The following RIMBP2 variants were observed in gnomAD, a reference collection of about 807,000 sequenced individuals.
RIMBP2 encodes RIMS-binding protein 2.
Under a neutral mutation model 118.6 loss-of-function variants are expected in RIMBP2, and 48 were observed. The observed-to-expected ratio is 0.40, with a 90% confidence interval of 0.32 to 0.51. The LOEUF (loss-of-function observed/expected upper bound fraction) is 0.51, where lower values mean the gene tolerates loss of function less well. RIMBP2 is among the 20% of genes least tolerant of loss of function. The probability of loss-of-function intolerance (pLI) is 0.41; values close to 1 mark genes in which losing one functional copy is unlikely to be tolerated. For missense variants in RIMBP2, 1,551 were observed against 1,768.3 expected (o/e 0.88, Z 2.20); for synonymous variants, 762 against 742.9 (o/e 1.03, Z -0.42).
At chr12:130,531,657 GT>G (rs1439652036) in intron 2 of RIMBP2, among the ~76,000 whole-genome samples, 1 of 152,214 alleles carries the variant, frequency 6.6e-6, no homozygotes, top group African/African-American at 2.4e-5. Context: ...GGAGGCACAT[GT>G]ACATGTTTCT....
chr12:130,710,087 G>A lies in RIMBP2; in HGVS notation c.-352+6135C>T, dbSNP rs1393951553. ...TGGACACCGAGGGTCTCCAGGAGAG[G>A]GGTTGGCTCTGCAGCCCCTGTGGTC... On this transcript the variant is annotated intron_variant, in intron 1 of 22. Coordinates refer to ENST00000690449, the MANE Select transcript of RIMBP2 (RefSeq NM_001393629.1). The surrounding 1 kb of genome is among the most constrained non-coding windows in gnomAD (Gnocchi z 4.3). Among the ~76,000 whole-genome samples, 4 of 152,134 alleles carry A rather than the reference G, an allele frequency of 2.6e-5. No individual in the cohort carries two copies. Among genetic ancestry groups the A allele is most frequent in the Non-Finnish European group, 4.4e-5 (3 of 68,022 alleles).
At chr12:130,557,005 C>T (rs895067497) in intron 2 of RIMBP2, among the ~76,000 whole-genome samples, 2 of 152,160 alleles carry the variant, frequency 1.3e-5, no homozygotes, top group African/African-American at 4.8e-5. Context: ...AAAGTCCTAA[C>T]CCCCAGTGCC....
intron 2 of RIMBP2, among the ~76,000 whole-genome samples, chr12:130,551,621 T>C (rs781543723): frequency 2.6e-5 from 4 of 152,200 alleles, no homozygotes; most frequent in Non-Finnish European, 4.4e-5. Context: ...GGTGTTGTCA[T>C]GCCTATAATT....
intron 2 of RIMBP2, among the ~76,000 whole-genome samples, chr12:130,566,687 G>C (rs2057244515): frequency 6.6e-6 from 1 of 152,228 alleles, no homozygotes. Flanking sequence ...CAGCTTGACT[G>C]CACATCTCGT....
rs2077346051 is a variant in RIMBP2 at position 130,434,245 on chromosome 12, TAGAC to T, written c.2253+485_2253+488del. ...CATTAGAATATGCACGATCGGAAAT[TAGAC>T]AGAAACCCCAAACTGGCTGAATGTC... On this transcript the variant is annotated intron_variant, in intron 14 of 22. Transcript: ENST00000690449. This position sits in a 1 kb window ranked among gnomAD's most constrained non-coding sequence, Gnocchi z 5.7. Among the ~76,000 whole-genome samples, 1 of 152,182 alleles carries T rather than the reference TAGAC, an allele frequency of 6.6e-6. No individual in the cohort carries two copies. The highest frequency in any genetic ancestry group is 2.4e-5 in the African/African-American group (1 of 41,454).
intron 21 of RIMBP2, among the ~76,000 whole-genome samples, chr12:130,405,378 G>A (rs968708956): frequency 2.6e-5 from 4 of 152,142 alleles, no homozygotes; most frequent in Non-Finnish European, 4.4e-5. Flanking sequence ...GAAACCTACC[G>A]TCCAGGATGT....
chr12:130,638,646 C>A (rs2062461044), intron 1 of RIMBP2, among the ~76,000 whole-genome samples: 1 of 152,230 alleles, frequency 6.6e-6, no homozygotes, highest in Non-Finnish European at 1.5e-5. Context: ...AGGTTTCATC[C>A]TGAAACCTTT....
intron 13 of RIMBP2, among the ~76,000 whole-genome samples, chr12:130,435,733 C>T (rs181132214): frequency 2.0e-5 from 3 of 152,348 alleles, no homozygotes; most frequent in Non-Finnish European, 2.9e-5. Context: ...TGGCCAATGT[C>T]GAACGAATTA....
In RIMBP2 at chr12:130,450,212, A is replaced by G; in HGVS notation, c.569T>C (p.Val190Ala). The G allele has an allele frequency of 6.2e-7, 1 of 1,607,452 alleles. No individual in the cohort carries two copies. The highest frequency in any genetic ancestry group is 1.1e-5 in the South Asian group (1 of 89,778). ...QRYSGKVHLC[V>A]ARYSYNPFDG... ...GGGCCGCACTTACCTATAGCGGGCA[A>G]CACAGAGGTGGACCTTCCCCGAGTA... The change falls in exon 9 of 23, where the codon GTT becomes GCT. Residue 190 changes from valine to alanine, a missense_variant. By Grantham distance (64) the Val-to-Ala change is moderately conservative. This residue lies in a region of RIMBP2 where 239 missense variants were observed against 256.8 expected (regional missense o/e 0.93). Transcript: ENST00000690449. The surrounding 1 kb of genome is among the most constrained non-coding windows in gnomAD (Gnocchi z 4.8).
chr12:130,686,067 C>A, intron 1 of RIMBP2, among the ~76,000 whole-genome samples: 1 of 152,132 alleles, frequency 6.6e-6, no homozygotes, highest in East Asian at 1.9e-4. Flanking sequence ...CACCGCACAC[C>A]GCCCGGCACC....
chr12:130,478,803 G>A, intron 5 of RIMBP2, 109 bp downstream of exon 5: 1 of 710,876 alleles, frequency 1.4e-6, no homozygotes, highest in Non-Finnish European at 2.5e-6. Flanking sequence ...GAGAGAGGGA[G>A]CGGCCTGGGA....
chr12:130,646,049 A>G (rs1248571948), intron 1 of RIMBP2, among the ~76,000 whole-genome samples: 3 of 129,090 alleles, frequency 2.3e-5, no homozygotes, highest in Non-Finnish European at 3.6e-5. Flanking sequence ...TTCCCTCTCC[A>G]CCTCCCTCAC....
chr12:130,489,213 GTCTACT>G (rs1182576394), intron 4 of RIMBP2, among the ~76,000 whole-genome samples: 1 of 152,178 alleles, frequency 6.6e-6, no homozygotes, highest in Non-Finnish European at 1.5e-5. Context: ...ACGGTGGCTT[GTCTACT>G]TTTACAGCCT....
chr12:130,405,571 T>C (rs1273302337), intron 21 of RIMBP2, among the ~76,000 whole-genome samples: 2 of 151,390 alleles, frequency 1.3e-5, no homozygotes, highest in Non-Finnish European at 2.9e-5. Context: ...CCCCACCCCA[T>C]TCCCTCCCTT....
intron 5 of RIMBP2, among the ~76,000 whole-genome samples, chr12:130,473,164 T>C (rs930574296): frequency 6.6e-6 from 1 of 152,250 alleles, no homozygotes; most frequent in Non-Finnish European, 1.5e-5. Context: ...AGTGCATTTT[T>C]GCAGGTGCAA....
rs1471737178 is a variant in RIMBP2 at position 130,452,047 on chromosome 12, T to G, written c.359-707A>C. 3.9e-5 allele frequency among the ~76,000 whole-genome samples: 6 copies of G among 152,272 alleles called. 1 individual carries two copies. In the East Asian group the frequency reaches 1.2e-3, roughly 29 times the overall value. ...TGTCCTGGTTGCCTGGAAGGGAGCA[T>G]TGAGCAACGTGACTAACGCTGGCCT... On this transcript the variant is annotated intron_variant, in intron 7 of 22. Coordinates refer to ENST00000690449, the MANE Select transcript of RIMBP2 (RefSeq NM_001393629.1).
At chr12:130,692,138 G>A (rs1371479868) in intron 1 of RIMBP2, among the ~76,000 whole-genome samples, 1 of 152,212 alleles carries the variant, frequency 6.6e-6, no homozygotes, top group Non-Finnish European at 1.5e-5. Context: ...CACTACACTG[G>A]GAGATGAGAG....
rs369302637 is a variant in RIMBP2, at chr12:130,615,403, C to T, written c.-217+12919G>A. ...TCGGCTCACTGCAACCTCTACCTCC[C>T]GGGTTCAAGCAATTCTCCCATCTCA... is the stretch of plus-strand genomic sequence containing the variant. On this transcript the variant is annotated intron_variant, in intron 2 of 22. Transcript: ENST00000690449. 3.6e-3 allele frequency among the ~76,000 whole-genome samples: 538 copies of T among 151,302 alleles called. 4 individuals carry two copies. The highest frequency in any genetic ancestry group is 0.03 in the South Asian group (144 of 4,764).
chr12:130,449,492 C>T (rs117131311), intron 9 of RIMBP2, among the ~76,000 whole-genome samples: 5,247 of 152,236 alleles, frequency 0.034, 133 homozygotes, highest in Middle Eastern at 0.085. Flanking sequence ...CAGCCTGCAG[C>T]GCCCAGCAGA....
Sources: allele counts gnomAD v4.1 joint callset (sites outside exome capture counted in the v4.1 genomes callset), GRCh38; gene constraint gnomAD v4.1.1; regional missense constraint gnomAD v4.1.1; non-coding constraint Gnocchi (gnomAD v3.1); transcripts MANE v1.5; gene names NCBI Gene and HGNC (gene_info 2026-07-23, HGNC 2026-07-21).